The following VPS35L variants were observed in gnomAD, a reference collection of about 807,000 sequenced individuals.
The protein encoded by VPS35L is VPS35 endosomal protein sorting factor like.
In VPS35L, 83 loss-of-function variants were observed where a neutral mutation model predicts 133.0. The observed-to-expected ratio is 0.62, with a 90% CI of 0.52 to 0.75. The LOEUF is 0.75. Ranked by LOEUF, VPS35L falls within the 30% of genes least tolerant of loss-of-function variation. The pLI is 0.00. For synonymous variants in VPS35L, 423 were observed against 449.9 expected (o/e 0.94, Z 0.76); for missense variants, 1,083 against 1,206.8 (o/e 0.90, Z 1.52).
rs370221074 is a variant in VPS35L at position 19,650,477 on chromosome 16, G to A, written c.2106+18G>A. 112 of 1,598,472 alleles carry A rather than the reference G, an allele frequency of 7.0e-5. No individual in the cohort carries two copies. In the African/African-American group the frequency reaches 1.4e-3, roughly 20 times the overall value. ...TTGTCCGGGTATGTTCTTAAGATAA[G>A]GACTGTTGGACCTCGAACTCCAGTG... On this transcript the variant is annotated intron_variant, in intron 25 of 30. Transcript: ENST00000417362.
chr16:19,625,032 T>C (rs1973216632), intron 14 of VPS35L, among the ~76,000 whole-genome samples: 1 of 151,958 alleles, frequency 6.6e-6, no homozygotes, highest in African/African-American at 2.4e-5. Flanking sequence ...TATGTAATTG[T>C]CTTAAGATAG....
chr16:19,598,196 T>C (rs1972276433), intron 8 of VPS35L, among the ~76,000 whole-genome samples: 1 of 152,164 alleles, frequency 6.6e-6, no homozygotes, highest in African/African-American at 2.4e-5. Context: ...CTGGAGAGGA[T>C]TAAATGAGAG....
Position 19,644,723 on chromosome 16 carries a change from G to A in VPS35L, c.1866-163G>A, listed in dbSNP as rs1400922578. Among the ~76,000 whole-genome samples, 7 of 152,154 alleles carry A rather than the reference G, an allele frequency of 4.6e-5. No individual in the cohort carries two copies. The East Asian group carries it at 9.6e-4, about 21-fold the overall frequency. ...TTTAAATTATGTTAATTGTGATTAT[G>A]TATTTTTATCAAAGGAAAAATAAGC... On this transcript the variant is annotated intron_variant, in intron 22 of 30. Transcript: ENST00000417362.
intron 26 of VPS35L, among the ~76,000 whole-genome samples, chr16:19,658,252 G>T (rs942365528): frequency 1.3e-5 from 2 of 152,176 alleles, no homozygotes; most frequent in Admixed American, 1.3e-4. Flanking sequence ...AGGCTGGGCT[G>T]GGCGCGGTGG....
chr16:19,615,992 T>C, intron 12 of VPS35L, 122 bp from the exon 13 acceptor site: 1 of 392,060 alleles, frequency 2.6e-6, no homozygotes, highest in Non-Finnish European at 4.2e-6. Context: ...ATAATAATAA[T>C]AATAATTTTC....
At chr16:19,594,644 C>CAAAAAAAAAAAAA (rs57187565) in intron 8 of VPS35L, among the ~76,000 whole-genome samples, 4 of 31,494 alleles carry the variant, frequency 1.3e-4, no homozygotes, top group African/African-American at 4.2e-4. Flanking sequence ...GATTTCGTCT[C>CAAAAAAAAAAAAA]AAAAAAAAAA....
chr16:19,599,046 C>CT (rs111780357), intron 8 of VPS35L, among the ~76,000 whole-genome samples: 7,820 of 152,132 alleles, frequency 0.051, 651 homozygotes, highest in African/African-American at 0.18. Flanking sequence ...CGAGGTGTGG[C>CT]GCTATAGGGA....
intron 8 of VPS35L, among the ~76,000 whole-genome samples, chr16:19,598,806 G>A (rs1006783761): frequency 3.3e-5 from 5 of 151,524 alleles, no homozygotes; most frequent in Admixed American, 2.6e-4. Flanking sequence ...AAGTGAAAAA[G>A]AATGTGGAGA....
At chr16:19,626,779 A>G (rs1567435434) in intron 15 of VPS35L, among the ~76,000 whole-genome samples, 1 of 152,124 alleles carries the variant, frequency 6.6e-6, no homozygotes, top group East Asian at 1.9e-4. Flanking sequence ...AAAGAAAAAA[A>G]GTAATAATAA....
intron 2 of VPS35L, among the ~76,000 whole-genome samples, chr16:19,565,996 G>A (rs556831576): frequency 1.3e-5 from 2 of 152,126 alleles, no homozygotes; most frequent in Admixed American, 6.5e-5. Flanking sequence ...GAAACTACAC[G>A]GTTGTCATGT....
intron 7 of VPS35L, chr16:19,587,532 GTT>G: frequency 4.1e-6 from 1 of 245,292 alleles, no homozygotes; most frequent in Non-Finnish European, 8.3e-6. Flanking sequence ...GATACTCAAG[GTT>G]GAGGCAGGAG....
intron 27 of VPS35L, among the ~76,000 whole-genome samples, chr16:19,674,194 T>TTC (rs1264275941): frequency 1.5e-5 from 2 of 134,364 alleles, no homozygotes; most frequent in East Asian, 4.1e-4. Flanking sequence ...CTTTTTTTTT[T>TTC]TTTTTTTTTT....
rs766298354 is a variant in VPS35L, at chr16:19,644,953, A to G, written c.1929+4A>G. 1.9e-6 allele frequency: 3 copies of G among 1,580,162 alleles called. No homozygotes were observed. In the Admixed American group the frequency reaches 5.1e-5, roughly 27 times the overall value. On this transcript the variant is annotated splice_donor_region_variant and intron_variant, in intron 23 of 30. Transcript: ENST00000417362. ...GATTAATGGATTTATAAAAATGGTA[A>G]GTATTAGGGAAGAAGTTTCAGTGCA... is the stretch of plus-strand genomic sequence containing the variant.
intron 3 of VPS35L, among the ~76,000 whole-genome samples, chr16:19,571,342 G>C (rs113352816): frequency 6.6e-6 from 1 of 151,534 alleles, no homozygotes; most frequent in Non-Finnish European, 1.5e-5. Context: ...TCAGCCTCTC[G>C]AGCAGCTGGG....
In VPS35L at chr16:19,647,796, C is replaced by G. The variant is rs373070886; in HGVS notation, c.1942C>G (p.Arg648Gly). The change falls in exon 24 of 31, where the codon CGT (arginine) becomes GGT (glycine). Residue 648 changes from arginine (R) to glycine (G), a missense_variant. Physicochemically the swap from Arg to Gly is moderately radical, Grantham distance 125. Coordinates refer to ENST00000417362, the MANE Select transcript of VPS35L (RefSeq NM_020314.7). ...TCCTTGATTCTAGGTTTCCTTTGGC[C>G]GTGATTTTGAACAACAGCTGAGTTT... ...NGFIKMVSFG[R>G]DFEQQLSFYV... 1 of 1,613,882 alleles carries G rather than the reference C, an allele frequency of 6.2e-7. No individual in the cohort carries two copies. The highest frequency in any genetic ancestry group is 1.1e-5 in the South Asian group (1 of 91,070).
chr16:19,680,048 C>T (rs16972301), intron 27 of VPS35L, among the ~76,000 whole-genome samples: 2,627 of 152,242 alleles, frequency 0.017, 70 homozygotes, highest in African/African-American at 0.059. Context: ...AGAGGCAGTG[C>T]GAATCTGGTA....
intron 29 of VPS35L, among the ~76,000 whole-genome samples, chr16:19,693,003 C>A (rs1461238257): frequency 1.3e-5 from 2 of 152,226 alleles, no homozygotes; most frequent in African/African-American, 4.8e-5. Flanking sequence ...ACATACCCAA[C>A]AGTTGCAGAA....
At chr16:19,630,326 GTT>G (rs201807727) in intron 18 of VPS35L, among the ~76,000 whole-genome samples, 16 of 106,532 alleles carry the variant, frequency 1.5e-4, no homozygotes, top group East Asian at 2.8e-4. Flanking sequence ...AGTCCTAAAA[GTT>G]TTTTTTTTTT....
chr16:19,635,269 G>C (rs1973588924), intron 19 of VPS35L, among the ~76,000 whole-genome samples: 2 of 152,128 alleles, frequency 1.3e-5, no homozygotes, highest in South Asian at 4.2e-4. Flanking sequence ...GATTGTTTGA[G>C]CCCAGGAGTT....
Sources: allele counts gnomAD v4.1 joint callset (sites outside exome capture counted in the v4.1 genomes callset), GRCh38; gene constraint gnomAD v4.1.1; transcripts MANE v1.5; gene names NCBI Gene and HGNC (gene_info 2026-07-23, HGNC 2026-07-21).